APC: variants seen among roughly 807,000 people sequenced by gnomAD.
APC encodes adenomatous polyposis coli protein.
Under a neutral mutation model 247.0 loss-of-function variants are expected in APC, and 72 were observed. The observed-to-expected ratio is 0.29, with a 90% CI of 0.24 to 0.35. The LOEUF is 0.35. Among genes scored for constraint, APC ranks in the 10% least tolerant of loss-of-function variants. The pLI is 1.00. For missense variants in APC, 3,400 were observed against 3,360.7 expected, an observed-to-expected ratio of 1.01 and a Z score of -0.29; for synonymous variants, 1,254 against 1,162.5, an observed-to-expected ratio of 1.08 and a Z score of -1.60.
intron 7 of APC, among the ~76,000 whole-genome samples, chr5:112,796,521 G>A (rs1760227533): frequency 6.6e-6 from 1 of 152,060 alleles, no homozygotes; most frequent in Non-Finnish European, 1.5e-5. Context: ...AGTTTAACAT[G>A]ACTGTCTTAA....
intron 1 of APC, among the ~76,000 whole-genome samples, chr5:112,719,878 C>T (rs573966035): frequency 1.3e-5 from 2 of 152,316 alleles, no homozygotes; most frequent in East Asian, 3.9e-4. Flanking sequence ...TCTCTCTATG[C>T]CATGTAGGTG....
chr5:112,746,236 T>A (rs1051358410), intron 1 of APC, among the ~76,000 whole-genome samples: 4 of 152,132 alleles, frequency 2.6e-5, no homozygotes, highest in Middle Eastern at 3.4e-3. Context: ...TAAAATACTT[T>A]AAAAAAATCT....
chr5:112,746,402 T>C (rs1337677264), intron 1 of APC, among the ~76,000 whole-genome samples: 1 of 152,168 alleles, frequency 6.6e-6, no homozygotes, highest in Admixed American at 6.5e-5. Context: ...ATAAGCTTAA[T>C]TGAAAACCTT....
At chr5:112,766,305 A>G (rs1347121314) in intron 2 of APC, 21 bp from the exon 3 acceptor site, 1 of 1,467,500 alleles carries the variant, frequency 6.8e-7, no homozygotes, top group South Asian at 1.1e-5. Context: ...TCATGTTAAT[A>G]TATTGTGTTC....
chr5:112,786,448 G>T (rs992218207), intron 6 of APC, among the ~76,000 whole-genome samples: 1 of 152,160 alleles, frequency 6.6e-6, no homozygotes, highest in East Asian at 1.9e-4. Context: ...CTTGTTCAGT[G>T]TGTATTTGGT....
intron 6 of APC, among the ~76,000 whole-genome samples, chr5:112,789,194 A>C (rs1759307609): frequency 6.6e-6 from 1 of 152,238 alleles, no homozygotes; most frequent in Non-Finnish European, 1.5e-5. Flanking sequence ...TATTAAATAT[A>C]ACTTCACAAA....
rs1283500963 is a variant in APC at position 112,839,969 on chromosome 5, A to G, written c.4375A>G (p.Thr1459Ala). ...KREVPKNKAP[T>A]AEKRESGPKQ... is the part of the protein sequence containing the mutation. ...AGAAGTACCTAAAAATAAAGCACCT[A>G]CTGCTGAAAAGAGAGAGAGTGGACC... Residue 1459 changes from threonine to alanine, a missense_variant, in exon 16 of 16, where the codon ACT becomes GCT. By Grantham distance (58) the Thr-to-Ala change is moderately conservative (BLOSUM62 0). This residue lies in a region of APC where 1,788 missense variants were observed against 1,649.5 expected (regional missense o/e 1.08). Coordinates refer to ENST00000257430, the MANE Select transcript of APC (RefSeq NM_000038.6). This position sits in a 1 kb window ranked among gnomAD's most constrained non-coding sequence, Gnocchi z 5.0. The G allele has an allele frequency of 3.1e-6, 5 of 1,614,030 alleles. No homozygotes were observed. Among genetic ancestry groups the G allele is most frequent in the South Asian group, 2.2e-5 (2 of 91,076 alleles).
In APC at chr5:112,838,996, C is replaced by G. The variant is rs749196761; in HGVS notation, c.3402C>G (p.Asp1134Glu). ...GCCAGTCTTTGTGTCAAGAAGATGA[C>G]TATGAAGATGATAAGCCTACCAATT... is the stretch of plus-strand genomic sequence containing the variant. ...NVSQSLCQED[D>E]YEDDKPTNYS... is the part of the protein sequence containing the mutation. The change falls in exon 16 of 16, where the codon GAC (aspartate) becomes GAG (glutamate). Residue 1134 changes from aspartate to glutamate, a missense_variant. This residue lies in a region of APC where 715 missense variants were observed against 656.6 expected (regional missense o/e 1.09). Coordinates refer to ENST00000257430, the MANE Select transcript of APC (RefSeq NM_000038.6). 6.2e-7 allele frequency: 1 copy of G among 1,613,966 alleles called. No homozygotes were observed. The highest frequency in any genetic ancestry group is 1.1e-5 in the South Asian group (1 of 91,070).
Position 112,843,611 on chromosome 5 carries a change from A to G in APC, c.8017A>G (p.Arg2673Gly), listed in dbSNP as rs767286063. The change falls in exon 16 of 16, where the codon AGA (arginine) becomes GGA (glycine). Residue 2673 changes from arginine (R) to glycine (G), a missense_variant. Coordinates refer to ENST00000257430, the MANE Select transcript of APC (RefSeq NM_000038.6). The surrounding 1 kb of genome is among the most constrained non-coding windows in gnomAD (Gnocchi z 4.8). ...DCPINNPRSG[R>G]SPTGNTPPVI... ...TCCCATTAACAATCCTAGATCTGGA[A>G]GATCTCCCACAGGTAATACTCCCCC... 40 of 1,613,908 alleles carry G rather than the reference A, an allele frequency of 2.5e-5. No individual in the cohort carries two copies. In the East Asian group the frequency reaches 8.7e-4, roughly 35 times the overall value.
chr5:112,823,702 T>G (rs1208712187), intron 11 of APC, among the ~76,000 whole-genome samples: 1 of 152,210 alleles, frequency 6.6e-6, no homozygotes, highest in Non-Finnish European at 1.5e-5. Flanking sequence ...GTTTATTGAT[T>G]CCCTAATCTA....
intron 1 of APC, among the ~76,000 whole-genome samples, chr5:112,728,065 T>G (rs969771115): frequency 2.0e-5 from 3 of 152,056 alleles, no homozygotes; most frequent in Non-Finnish European, 2.9e-5. Context: ...CTTAAAACAT[T>G]ATGAGATTTT....
At chr5:112,734,378 T>C (rs748235923), upstream of APC, among the ~76,000 whole-genome samples, 3 of 152,250 alleles carry the variant, frequency 2.0e-5, no homozygotes, top group Non-Finnish European at 2.9e-5. Context: ...ATCTAACTTA[T>C]CTCTTCTTAG....
At chr5:112,721,624 TG>T (rs1219569682) in intron 1 of APC, among the ~76,000 whole-genome samples, 1 of 151,982 alleles carries the variant, frequency 6.6e-6, no homozygotes. Context: ...AGAGTGATGG[TG>T]GGGGTAAGAG....
At chr5:112,791,376 T>C (rs1295420411) in intron 6 of APC, among the ~76,000 whole-genome samples, 3 of 152,180 alleles carry the variant, frequency 2.0e-5, no homozygotes, top group Non-Finnish European at 4.4e-5. Context: ...AGAAGTAACT[T>C]TGGGGAAGAG....
intron 8 of APC, among the ~76,000 whole-genome samples, chr5:112,805,329 T>C (rs1490539843): frequency 6.6e-6 from 1 of 152,166 alleles, no homozygotes; most frequent in Non-Finnish European, 1.5e-5. Flanking sequence ...CATCATGTCA[T>C]TTATGTCAGT....
At chr5:112,836,243 C>G (rs1460752379) in intron 15 of APC, among the ~76,000 whole-genome samples, 3 of 144,826 alleles carry the variant, frequency 2.1e-5, no homozygotes, top group African/African-American at 7.7e-5. Context: ...GTTGGCCAGG[C>G]TGGCCTTGAA....
chr5:112,790,436 C>T (rs1298920077), intron 6 of APC, among the ~76,000 whole-genome samples: 1 of 152,062 alleles, frequency 6.6e-6, no homozygotes, highest in Non-Finnish European at 1.5e-5. Flanking sequence ...AGCGATTCTC[C>T]TGCCTTAGCC....
rs757545721 is a variant in APC at position 112,818,981 on chromosome 5, T to A, written c.949T>A (p.Ser317Thr). ...HLGTKVEMVY[S>T]LLSMLGTHDK... ...TGGCCCACAGGTGGAAATGGTGTAT[T>A]CATTGTTGTCAATGCTTGGTACTCA... is the stretch of plus-strand genomic sequence containing the variant. Residue 317 changes from serine (S) to threonine (T), a missense_variant, in exon 10 of 16, where the codon TCA becomes ACA. Physicochemically the swap from Ser to Thr is moderately conservative, Grantham distance 58 (BLOSUM62 1). This residue lies in a region of APC where 8 missense variants were observed against 24.3 expected (regional missense o/e 0.33). Transcript: ENST00000257430. 1.2e-6 allele frequency: 2 copies of A among 1,614,062 alleles called. No individual in the cohort carries two copies. The highest frequency in any genetic ancestry group is 1.7e-6 in the Non-Finnish European group (2 of 1,179,960).
Position 112,838,858 on chromosome 5 carries a change from G to A in APC, c.3264G>A (p.Lys1088=), listed in dbSNP as rs114774495. Residue 1088 remains lysine (K), a synonymous_variant, in exon 16 of 16, where the codon AAG becomes AAA. Coordinates refer to ENST00000257430, the MANE Select transcript of APC (RefSeq NM_000038.6). ...YTESTDDKHL[K]FQPHFGQQEC... ...AGAGCACTGATGATAAACACCTCAA[G>A]TTCCAACCACATTTTGGACAGCAGG... is the stretch of plus-strand genomic sequence containing the variant. The A allele has an allele frequency of 4.6e-4, 749 of 1,614,128 alleles. 4 individuals carry two copies. In the African/African-American group the frequency reaches 9.3e-3, roughly 20 times the overall value.
Sources: allele counts gnomAD v4.1 joint callset (sites outside exome capture counted in the v4.1 genomes callset), GRCh38; gene constraint gnomAD v4.1.1; regional missense constraint gnomAD v4.1.1; non-coding constraint Gnocchi (gnomAD v3.1); transcripts MANE v1.5; gene names NCBI Gene and HGNC (gene_info 2026-07-23, HGNC 2026-07-21).